The following JPT1 variants were observed in gnomAD, a reference collection of about 807,000 sequenced individuals.
The protein encoded by JPT1 is androgen-regulated protein 2.
JPT1 carries 5 observed loss-of-function variants against 17.0 expected under a neutral mutation model. The observed-to-expected ratio is 0.29, with a 90% CI of 0.15 to 0.62. The LOEUF (loss-of-function observed/expected upper bound fraction) is 0.62, where lower values mean the gene tolerates loss of function less well. JPT1 is among the 20% of genes least tolerant of loss of function. The pLI is 0.85. For synonymous variants in JPT1, 71 were observed against 73.6 expected (o/e 0.96, Z 0.18); for missense variants, 158 against 188.1 (o/e 0.84, Z 0.94).
In JPT1 at chr17:75,136,099, G is replaced by C. The variant is rs764675064; in HGVS notation, c.*3C>G. 1.9e-6 allele frequency: 3 copies of C among 1,614,138 alleles called. No homozygotes were observed. The African/African-American group carries it at 4.0e-5, about 22-fold the overall frequency. ...AGAACGACAGCGTTCAGGACAGTCA[G>C]AGCTAACCCAAGACGAGGCTGGACT... On this transcript the variant is annotated 3_prime_UTR_variant, in exon 5 of 5. Coordinates refer to ENST00000409753, the MANE Select transcript of JPT1 (RefSeq NM_016185.4).
At chr17:75,145,185 A>C (rs1017554520) in intron 4 of JPT1, 32 of 140,290 alleles carry the variant, frequency 2.3e-4, no homozygotes, top group Non-Finnish European at 3.3e-4. Context: ...AAAAAAAAAA[A>C]CACAACCAAA....
chr17:75,146,638 C>T, intron 4 of JPT1, 28 bp downstream of exon 4: 2 of 1,524,626 alleles, frequency 1.3e-6, no homozygotes, highest in Non-Finnish European at 1.8e-6. Context: ...TGGACAGAGC[C>T]AGAAATTTGG....
intron 2 of JPT1, 144 bp downstream of exon 2, chr17:75,148,385 A>C: frequency 1.0e-6 from 1 of 953,948 alleles, no homozygotes; most frequent in East Asian, 2.6e-5. Flanking sequence ...TCAGGGACTA[A>C]ATGCACACTG....
rs923160342 is a variant in JPT1 at position 75,148,038 on chromosome 17, C to T, written c.200-385G>A. 10 of 223,486 alleles carry T rather than the reference C, an allele frequency of 4.5e-5. No individual in the cohort carries two copies. In the East Asian group the frequency reaches 4.9e-4, roughly 11 times the overall value. 13.8% of individuals were successfully genotyped at this position (223,486 alleles called of 1,614,324 possible). A position where few individuals can be genotyped will look rare whatever the true frequency, so the allele number is the denominator to read the frequency against. On this transcript the variant is annotated intron_variant, in intron 2 of 4. Coordinates refer to ENST00000409753, the MANE Select transcript of JPT1 (RefSeq NM_016185.4). ...AAAAACAAAAAACTTCAGCAATTGA[C>T]GTTATGTGTTAGTCTCACATTATGA...
intron 4 of JPT1, among the ~76,000 whole-genome samples, chr17:75,142,421 G>C (rs933396448): frequency 1.3e-5 from 2 of 150,846 alleles, no homozygotes; most frequent in South Asian, 2.1e-4. Context: ...TTAGCCGGGC[G>C]TGGTGGCAGC....
At chr17:75,136,326 T>C in intron 4 of JPT1, 76 bp from the exon 5 acceptor site, 1 of 1,449,804 alleles carries the variant, frequency 6.9e-7, no homozygotes, top group East Asian at 2.3e-5. Flanking sequence ...TGTTTCTCTT[T>C]TTCTTTTTTT....
chr17:75,151,250 T>C (rs369874853), intron 1 of JPT1, among the ~76,000 whole-genome samples: 19 of 152,204 alleles, frequency 1.2e-4, no homozygotes, highest in African/African-American at 4.1e-4. Flanking sequence ...GGAGAATCGC[T>C]TGAACCCTGT....
chr17:75,142,001 G>A (rs554208873), intron 4 of JPT1, among the ~76,000 whole-genome samples: 18 of 152,150 alleles, frequency 1.2e-4, no homozygotes, highest in African/African-American at 3.1e-4. Context: ...CCTGGGAGGC[G>A]GAGGTTGCCT....
chr17:75,138,588 T>TA (rs2074252157), intron 4 of JPT1: 1 of 150,888 alleles, frequency 6.6e-6, no homozygotes, highest in South Asian at 2.1e-4. Flanking sequence ...TTTGTATTTT[T>TA]GTAGAGACCA....
intron 4 of JPT1, among the ~76,000 whole-genome samples, chr17:75,139,813 G>A (rs937274129): frequency 2.6e-5 from 4 of 151,808 alleles, no homozygotes; most frequent in African/African-American, 7.3e-5. Context: ...GTAAGACTCC[G>A]TCTCAAAAAT....
At chr17:75,144,992 CTG>C (rs2074396078) in intron 4 of JPT1, among the ~76,000 whole-genome samples, 2 of 151,958 alleles carry the variant, frequency 1.3e-5, no homozygotes, top group South Asian at 2.1e-4. Flanking sequence ...CCAAGAAACA[CTG>C]TGAGGCCGGG....
In JPT1 at chr17:75,154,307, C is replaced by T. The variant is rs1353883928; in HGVS notation, c.56+35G>A. Reference sequence around the variant, plus strand: ...GGCAGCGGCCCTCCCAGCCCCTCAGCCCCGCGCGGCTCGGGCGCGACCCGG... The same window carrying T: ...GGCAGCGGCCCTCCCAGCCCCTCAGTCCCGCGCGGCTCGGGCGCGACCCGG... On this transcript the variant is annotated intron_variant, in intron 1 of 4. Transcript: ENST00000409753. 8.5e-6 allele frequency: 13 copies of T among 1,525,818 alleles called. No homozygotes were observed. The Admixed American group carries it at 2.0e-4, about 23-fold the overall frequency. 94.5% of individuals were successfully genotyped at this position (1,525,818 alleles called of 1,614,324 possible). A position where few individuals can be genotyped will look rare whatever the true frequency, so the allele number is the denominator to read the frequency against.
At chr17:75,151,148 G>C (rs1392954398) in intron 1 of JPT1, among the ~76,000 whole-genome samples, 1 of 151,646 alleles carries the variant, frequency 6.6e-6, no homozygotes, top group Non-Finnish European at 1.5e-5. Flanking sequence ...CACCGCGCCC[G>C]GCCAAGAAAC....
At chr17:75,149,886 T>A (rs867638413) in intron 1 of JPT1, among the ~76,000 whole-genome samples, 22 of 128,748 alleles carry the variant, frequency 1.7e-4, no homozygotes, top group Non-Finnish European at 2.9e-4. Flanking sequence ...CACACACACT[T>A]AAGTCAGCTT....
chr17:75,148,758 C>G lies in JPT1; in HGVS notation c.57-87G>C, dbSNP rs529551783. On this transcript the variant is annotated intron_variant, in intron 1 of 4. Coordinates refer to ENST00000409753, the MANE Select transcript of JPT1 (RefSeq NM_016185.4). Reference sequence around the variant, plus strand: ...TTTCAGACAACTTTCATTTCACTTTCCTCACCCATTCATCTCCCTCACCCC... The same window carrying G: ...TTTCAGACAACTTTCATTTCACTTTGCTCACCCATTCATCTCCCTCACCCC... 6.8e-6 allele frequency: 10 copies of G among 1,474,758 alleles called. 1 individual carries two copies. The Admixed American group carries it at 1.4e-4, about 20-fold the overall frequency. 91.4% of individuals were successfully genotyped at this position (1,474,758 alleles called of 1,614,324 possible).
chr17:75,136,092 A>C lies in JPT1; in HGVS notation c.*10T>G. ...AACAGACAGAACGACAGCGTTCAGG[A>C]CAGTCAGAGCTAACCCAAGACGAGG... On this transcript the variant is annotated 3_prime_UTR_variant, in exon 5 of 5. Transcript: ENST00000409753. 6.2e-7 allele frequency: 1 copy of C among 1,614,224 alleles called. No individual in the cohort carries two copies. Among genetic ancestry groups the C allele is most frequent in the Non-Finnish European group, 8.5e-7 (1 of 1,180,038 alleles).
chr17:75,140,232 T>C (rs1181092498), intron 4 of JPT1, among the ~76,000 whole-genome samples: 1 of 151,986 alleles, frequency 6.6e-6, no homozygotes, highest in Non-Finnish European at 1.5e-5. Context: ...TTAGAAACTT[T>C]TATGCCAATT....
chr17:75,141,983 C>T (rs920796340), intron 4 of JPT1, among the ~76,000 whole-genome samples: 4 of 151,898 alleles, frequency 2.6e-5, no homozygotes, highest in African/African-American at 7.3e-5. Flanking sequence ...GCGGGAGAAT[C>T]GCTTGAACCT....
intron 4 of JPT1, chr17:75,145,492 T>A (rs1401517980): frequency 6.6e-6 from 1 of 152,164 alleles, no homozygotes; most frequent in African/African-American, 2.4e-5. Flanking sequence ...CACCTATAAT[T>A]CGTAATATGG....
Sources: gnomAD v4.1 joint callset for allele counts (sites outside exome capture counted in the v4.1 genomes callset) on GRCh38, gnomAD v4.1.1 for gene constraint, MANE v1.5 for transcripts, NCBI Gene and HGNC (gene_info 2026-07-23, HGNC 2026-07-21) for gene names.